DTD1: variants seen among roughly 807,000 people sequenced by gnomAD.
DTD1 encodes D-tyrosyl-tRNA deacylase 1 homolog.
A neutral mutation model predicts 25.6 loss-of-function variants in DTD1; 13 were observed. That is an observed-to-expected ratio of 0.51 (90% CI 0.33 to 0.81). The LOEUF (loss-of-function observed/expected upper bound fraction) is 0.81. Ranked by LOEUF, DTD1 falls within the 30% of genes least tolerant of loss-of-function variation. DTD1 has a pLI of 0.02. For synonymous variants in DTD1, 110 were observed against 103.6 expected (o/e 1.06, Z -0.37); for missense variants, 193 against 266.4 (o/e 0.72, Z 1.92).
intron 4 of DTD1, among the ~76,000 whole-genome samples, chr20:18,645,933 A>G (rs1255415927): frequency 1.3e-5 from 2 of 152,240 alleles, no homozygotes; most frequent in Non-Finnish European, 2.9e-5. Flanking sequence ...GGCATAGTGT[A>G]TAAATAGTAA....
At chr20:18,687,711 AT>A in intron 4 of DTD1, among the ~76,000 whole-genome samples, 1 of 151,770 alleles carries the variant, frequency 6.6e-6, no homozygotes, top group African/African-American at 2.4e-5. Flanking sequence ...TGCCCAACTA[AT>A]TTTTTATTTT....
chr20:18,734,773 G>A (rs969012304), intron 4 of DTD1, among the ~76,000 whole-genome samples: 1 of 152,232 alleles, frequency 6.6e-6, no homozygotes, highest in Non-Finnish European at 1.5e-5. Context: ...AAAAATCAGA[G>A]CATTTGTTAC....
At chr20:18,758,343 A>G (rs1215375206) in intron 5 of DTD1, among the ~76,000 whole-genome samples, 6 of 152,026 alleles carry the variant, frequency 3.9e-5, no homozygotes, top group African/African-American at 1.2e-4. Context: ...TTGCTTTTCT[A>G]GTTCTTTTAA....
chr20:18,623,191 A>G (rs368077939), intron 3 of DTD1, among the ~76,000 whole-genome samples: 128 of 152,096 alleles, frequency 8.4e-4, no homozygotes, highest in African/African-American at 2.9e-3. Flanking sequence ...CGCCCGCCTC[A>G]GCCTCTCAAA....
chr20:18,757,350 A>T (rs1314220781), intron 5 of DTD1, among the ~76,000 whole-genome samples: 1 of 152,204 alleles, frequency 6.6e-6, no homozygotes. Context: ...GTCTTGTGTG[A>T]GTTTTCAAAG....
At chr20:18,675,782 A>ATGTAAATATACC (rs1337116432) in intron 4 of DTD1, among the ~76,000 whole-genome samples, 3 of 143,944 alleles carry the variant, frequency 2.1e-5, no homozygotes, top group African/African-American at 8.2e-5. Flanking sequence ...ACACACATAT[A>ATGTAAATATACC]TATGTGTAAA....
chr20:18,643,225 A>G lies in DTD1; in HGVS notation c.477+14992A>G, dbSNP rs186109264. On this transcript the variant is annotated intron_variant, in intron 4 of 5. Transcript: ENST00000377452. ...CCACTATGCCCAGCCTGGAGCACCA[A>G]TTTATTTAGCAATTTGTTCTCTGGA... is the stretch of plus-strand genomic sequence containing the variant. 9.0e-4 allele frequency: 267 copies of G among 296,566 alleles called. 3 individuals are homozygous for G. Among genetic ancestry groups the G allele is most frequent in the Non-Finnish European group, 5.4e-4 (79 of 145,754 alleles). The allele number at this position is 296,566 out of a possible 1,614,324, so 18.4% of individuals were successfully genotyped here. A position where few individuals can be genotyped will look rare whatever the true frequency, so the allele number is the denominator to read the frequency against.
At chr20:18,711,802 C>T (rs895837788) in intron 4 of DTD1, among the ~76,000 whole-genome samples, 18 of 151,874 alleles carry the variant, frequency 1.2e-4, no homozygotes, top group African/African-American at 4.1e-4. Flanking sequence ...TCCCAACACT[C>T]TGGGAGGTGA....
At chr20:18,638,263 C>A (rs1028862365) in intron 4 of DTD1, among the ~76,000 whole-genome samples, 5 of 152,140 alleles carry the variant, frequency 3.3e-5, no homozygotes, top group African/African-American at 1.2e-4. Context: ...ATACCTTTAT[C>A]CAGCAGATTA....
Position 18,737,905 on chromosome 20 carries a change from A to T in DTD1, c.478-6195A>T, listed in dbSNP as rs1357301211. Among the ~76,000 whole-genome samples the T allele has an allele frequency of 2.0e-5, 3 of 152,192 alleles. No homozygotes were observed. In the South Asian group the frequency reaches 6.2e-4, roughly 32 times the overall value. On this transcript the variant is annotated intron_variant, in intron 4 of 5. Transcript: ENST00000377452. The stretch of plus-strand genomic sequence containing the variant: ...ATGGAGATGGCTCTGAGGTCCCTTT[A>T]TGCTTTCTACCCATGAAGACAAGTG...
chr20:18,626,583 A>T (rs6075380), intron 3 of DTD1, among the ~76,000 whole-genome samples: 77,685 of 151,828 alleles, frequency 0.51, 20,241 homozygotes, highest in Middle Eastern at 0.57. Context: ...CTTTTGTGTG[A>T]GTGTGTGTTT....
At chr20:18,743,959 G>T (rs2061289447) in intron 4 of DTD1, 141 bp from the exon 5 acceptor site, 1 of 779,626 alleles carries the variant, frequency 1.3e-6, no homozygotes, top group Non-Finnish European at 2.0e-6. Context: ...GTATAATTTG[G>T]TATATCTGAA....
chr20:18,725,333 T>C (rs1306093679), intron 4 of DTD1, among the ~76,000 whole-genome samples: 1 of 152,220 alleles, frequency 6.6e-6, no homozygotes, highest in Non-Finnish European at 1.5e-5. Context: ...TGCTTCCACC[T>C]GAACCCTGTT....
At chr20:18,718,033 GA>G (rs2061188352) in intron 4 of DTD1, among the ~76,000 whole-genome samples, 1 of 152,190 alleles carries the variant, frequency 6.6e-6, no homozygotes, top group Non-Finnish European at 1.5e-5. Context: ...AGCCTCTTGG[GA>G]AACAGCCAAA....
At chr20:18,606,928 A>T (rs1318268151) in intron 3 of DTD1, among the ~76,000 whole-genome samples, 4 of 122,814 alleles carry the variant, frequency 3.3e-5, no homozygotes, top group Non-Finnish European at 6.9e-5. Context: ...AAAGTATAAT[A>T]AAAAAAAAAA....
At chr20:18,606,023 A>T (rs9798506) in intron 3 of DTD1, among the ~76,000 whole-genome samples, 114,960 of 137,472 alleles carry the variant, frequency 0.84, 48,881 homozygotes, top group Non-Finnish European at 0.92. Flanking sequence ...TTCGCAACCT[A>T]CTCATCTGAC....
At chr20:18,712,026 G>A (rs1329901478) in intron 4 of DTD1, among the ~76,000 whole-genome samples, 5 of 151,478 alleles carry the variant, frequency 3.3e-5, no homozygotes, top group African/African-American at 4.9e-5. Context: ...GAGCCAAGGT[G>A]GCACCACTGC....
intron 4 of DTD1, among the ~76,000 whole-genome samples, chr20:18,717,843 A>G (rs189666058): frequency 7.7e-4 from 117 of 152,354 alleles, no homozygotes; most frequent in African/African-American, 2.5e-3. Flanking sequence ...CATGTTAATT[A>G]AAAACTCAGT....
chr20:18,762,686 T>C (rs1221628052), intron 5 of DTD1, among the ~76,000 whole-genome samples: 1 of 152,250 alleles, frequency 6.6e-6, no homozygotes, highest in African/African-American at 2.4e-5. Context: ...GTAATGTCTG[T>C]ACTGATGTTG....
Sources: gnomAD v4.1 joint callset for allele counts (sites outside exome capture counted in the v4.1 genomes callset) on GRCh38, gnomAD v4.1.1 for gene constraint, MANE v1.5 for transcripts, NCBI Gene and HGNC (gene_info 2026-07-23, HGNC 2026-07-21) for gene names.